The following DMD variants were observed in gnomAD, a reference collection of about 807,000 sequenced individuals.
DMD encodes mutant dystrophin.
Under a neutral mutation model 330.1 loss-of-function variants are expected in DMD, and 63 were observed. That is an observed-to-expected ratio of 0.19 (90% CI 0.16 to 0.24). The LOEUF is 0.24. Ranked by LOEUF, DMD falls within the 10% of genes least tolerant of loss-of-function variation. The pLI is 1.00. For missense variants in DMD, 3,344 were observed against 2,684.1 expected (o/e 1.25, Z -5.43); for synonymous variants, 1,223 against 959.8 (o/e 1.27, Z -5.07).
At chrX:32,189,823 TGCAG>T (rs1299877256) in intron 44 of DMD, among the ~76,000 whole-genome samples, 7 of 111,232 alleles carry the variant, frequency 6.3e-5, no homozygotes, top group Non-Finnish European at 1.1e-4. Context: ...TTCATAACTG[TGCAG>T]TAGAACCCTT....
chrX:32,499,547 T>C (rs1360594016), intron 19 of DMD, among the ~76,000 whole-genome samples: 1 of 111,957 alleles, frequency 8.9e-6, no homozygotes, highest in African/African-American at 3.2e-5. Context: ...CTCATTTTCC[T>C]TTCTATACAA....
chrX:33,027,310 C>T (rs893421860), intron 1 of DMD, among the ~76,000 whole-genome samples: 1 of 111,343 alleles, frequency 9.0e-6, no homozygotes, highest in Non-Finnish European at 1.9e-5. Flanking sequence ...CGAAGAAGGC[C>T]GTGAGCCAAA....
intron 59 of DMD, among the ~76,000 whole-genome samples, chrX:31,477,722 C>G (rs921932687): frequency 2.7e-5 from 3 of 109,641 alleles, no homozygotes; most frequent in African/African-American, 1.0e-4. Context: ...GGGCCAACAC[C>G]TAGACTCCTG....
chrX:33,071,886 G>A (rs1001741741), intron 1 of DMD, among the ~76,000 whole-genome samples: 2 of 111,526 alleles, frequency 1.8e-5, no homozygotes, highest in Admixed American at 9.6e-5. Flanking sequence ...TACATTTTTC[G>A]TAAAGATTCT....
chrX:32,665,508 A>C (rs1271527437), intron 9 of DMD, among the ~76,000 whole-genome samples: 1 of 112,339 alleles, frequency 8.9e-6, no homozygotes, highest in African/African-American at 3.2e-5. Flanking sequence ...TTATGTATTC[A>C]ATTAATACTA....
intron 7 of DMD, among the ~76,000 whole-genome samples, chrX:32,750,761 A>G (rs2070704521): frequency 9.0e-6 from 1 of 111,534 alleles, no homozygotes; most frequent in Admixed American, 9.5e-5. Flanking sequence ...ACTTATACCT[A>G]CTGATATGGT....
intron 6 of DMD, among the ~76,000 whole-genome samples, chrX:32,815,502 T>TAC (rs2077667977): frequency 1.8e-5 from 1 of 56,454 alleles, no homozygotes; most frequent in African/African-American, 7.2e-5. Flanking sequence ...AGCATATATA[T>TAC]ATATATATAT....
chrX:32,083,459 G>A (rs936233082), intron 44 of DMD, among the ~76,000 whole-genome samples: 2 of 110,424 alleles, frequency 1.8e-5, no homozygotes, highest in Admixed American at 1.9e-4. Flanking sequence ...GGTTTTCACC[G>A]TGTTAGCCAG....
intron 60 of DMD, among the ~76,000 whole-genome samples, chrX:31,408,040 A>G (rs767590075): frequency 1.2e-4 from 13 of 112,590 alleles, no homozygotes; most frequent in African/African-American, 4.2e-4. Context: ...TTTAATGATG[A>G]TAGCGTAACC....
At chrX:31,770,457 C>T (rs964639251) in intron 51 of DMD, among the ~76,000 whole-genome samples, 50 of 111,329 alleles carry the variant, frequency 4.5e-4, no homozygotes, top group Admixed American at 5.7e-4. Flanking sequence ...GTTTTTTTTC[C>T]ACCTCAGTGA....
rs111319589 is a variant in DMD, at chrX:32,881,866, A to G, written c.94-32046T>C. Among the ~76,000 whole-genome samples the G allele has an allele frequency of 4.3e-3, 476 of 111,387 alleles. 8 individuals carry two copies. The East Asian group carries it at 0.064, about 15-fold the overall frequency. On this transcript the variant is annotated intron_variant, in intron 2 of 78. Transcript: ENST00000357033. The stretch of plus-strand genomic sequence containing the variant: ...CTCTGCAAACCGTACTTCTGGCTTT[A>G]CTGACTGACTCTCAGAATCTAAAGG...
At chrX:33,037,365 G>GAA (rs201304078) in intron 1 of DMD, among the ~76,000 whole-genome samples, 1 of 97,912 alleles carries the variant, frequency 1.0e-5, no homozygotes, top group African/African-American at 4.1e-5. Context: ...AACTATACAG[G>GAA]AAAAAAAAAA....
At chrX:32,033,638 AAAGAAAGAAAGAAAG>A (rs1383963648) in intron 44 of DMD, among the ~76,000 whole-genome samples, 6 of 66,252 alleles carry the variant, frequency 9.1e-5, no homozygotes, top group Non-Finnish European at 1.3e-4. Flanking sequence ...AGAAAGAAAG[AAAGAAAGAAAGAAAG>A]AAGAAAGAAA....
chrX:32,429,387 G>GTTATT (rs1191026907), intron 29 of DMD, among the ~76,000 whole-genome samples: 108 of 44,193 alleles, frequency 2.4e-3, no homozygotes, highest in African/African-American at 0.012. Flanking sequence ...TTTTTTTTGG[G>GTTATT]TTTTTTTTTT....
rs914021271 is a variant in DMD, at chrX:32,700,142, T to C, written c.650-849A>G. Among the ~76,000 whole-genome samples, 3 of 111,966 alleles carry C rather than the reference T, an allele frequency of 2.7e-5. No individual in the cohort carries two copies. In the Admixed American group the frequency reaches 2.8e-4, roughly 11 times the overall value. On this transcript the variant is annotated intron_variant, in intron 7 of 78. Coordinates refer to ENST00000357033, the MANE Select transcript of DMD (RefSeq NM_004006.3). ...CATTCCAGTGAACCAAGATGTAAAGTAATCCTTTATGTGAAGTATGTCATT... is the reference window on the plus strand; with the variant it reads ...CATTCCAGTGAACCAAGATGTAAAGCAATCCTTTATGTGAAGTATGTCATT...
intron 7 of DMD, among the ~76,000 whole-genome samples, chrX:32,718,850 T>A (rs2065980371): frequency 8.9e-6 from 1 of 112,359 alleles, no homozygotes; most frequent in African/African-American, 3.2e-5. Context: ...TGGATGGAAG[T>A]ACACACTTAG....
intron 2 of DMD, among the ~76,000 whole-genome samples, chrX:33,016,278 T>G (rs12839172): frequency 0.098 from 10,917 of 110,977 alleles, 751 homozygotes; most frequent in African/African-American, 0.23. Flanking sequence ...TCCAGAGGAA[T>G]GTCTTCAGGA....
At chrX:32,646,200 G>A (rs947939493) in intron 9 of DMD, among the ~76,000 whole-genome samples, 3 of 111,641 alleles carry the variant, frequency 2.7e-5, no homozygotes, top group African/African-American at 9.8e-5. Flanking sequence ...TCAAGTGACA[G>A]GAGAGGCTTC....
At chrX:32,690,847 G>T (rs1237857909) in intron 9 of DMD, among the ~76,000 whole-genome samples, 1 of 111,114 alleles carries the variant, frequency 9.0e-6, no homozygotes, top group Non-Finnish European at 1.9e-5. Flanking sequence ...AACTCCAAAC[G>T]GATAAAATAT....
Sources: gnomAD v4.1 joint callset for allele counts (sites outside exome capture counted in the v4.1 genomes callset) on GRCh38, gnomAD v4.1.1 for gene constraint, MANE v1.5 for transcripts, NCBI Gene and HGNC (gene_info 2026-07-23, HGNC 2026-07-21) for gene names.